BICC1: variants seen among roughly 807,000 people sequenced by gnomAD.
BICC1 encodes protein bicaudal C homolog 1.
Under a neutral mutation model 111.0 loss-of-function variants are expected in BICC1, and 43 were observed. That is an observed-to-expected ratio of 0.39 (90% CI 0.30 to 0.50). The LOEUF (loss-of-function observed/expected upper bound fraction) is 0.50, where lower values mean the gene tolerates loss of function less well. Ranked by LOEUF, BICC1 falls within the 20% of genes least tolerant of loss-of-function variation. The probability of loss-of-function intolerance (pLI) is 0.88; values close to 1 mark genes in which losing one functional copy is unlikely to be tolerated. For missense variants in BICC1, 1,091 were observed against 1,203.2 expected (o/e 0.91, Z 1.38); for synonymous variants, 467 against 434.4 (o/e 1.07, Z -0.93).
chr10:58,820,351 T>G lies in BICC1; in HGVS notation c.2695-18T>G, dbSNP rs1467315127. ...AGTAATTAATACATTGGTTATAGAT[T>G]GACCTTTCTACCCACAGATCGATCT... On this transcript the variant is annotated intron_variant, in intron 19 of 20. Coordinates refer to ENST00000373886, the MANE Select transcript of BICC1 (RefSeq NM_001080512.3). 1.3e-6 allele frequency: 2 copies of G among 1,550,646 alleles called. No homozygotes were observed. Among genetic ancestry groups the G allele is most frequent in the African/African-American group, 2.7e-5 (2 of 73,548 alleles).
At chr10:58,827,714 G>A (rs1256084892) in intron 20 of BICC1, among the ~76,000 whole-genome samples, 1 of 152,096 alleles carries the variant, frequency 6.6e-6, no homozygotes, top group Admixed American at 6.6e-5. Context: ...TGATAAAACA[G>A]TGGAAGAATG....
At chr10:58,574,919 G>A (rs947243180) in intron 1 of BICC1, among the ~76,000 whole-genome samples, 1 of 151,556 alleles carries the variant, frequency 6.6e-6, no homozygotes, top group Non-Finnish European at 1.5e-5. Context: ...CACTCTTCAG[G>A]TAGCCTCTGA....
intron 1 of BICC1, among the ~76,000 whole-genome samples, chr10:58,589,163 A>G (rs1358221679): frequency 6.6e-6 from 1 of 152,080 alleles, no homozygotes; most frequent in African/African-American, 2.4e-5. Flanking sequence ...GCCCACAGAG[A>G]GAACCCACTC....
rs778645337 is a variant in BICC1 at position 58,789,863 on chromosome 10, C to T, written c.977C>T (p.Pro326Leu). 8 of 1,614,066 alleles carry T rather than the reference C, an allele frequency of 5.0e-6. No individual in the cohort carries two copies. The highest frequency in any genetic ancestry group is 2.2e-5 in the East Asian group (1 of 44,862). The stretch of plus-strand genomic sequence containing the variant: ...ATCCACTTTCCTGATCCCAGTAATC[C>T]ACAAAAGAAATCTACCGTCTACCTC... ...AQIHFPDPSN[P>L]QKKSTVYLQG... Residue 326 changes from proline (P) to leucine (L), a missense_variant, in exon 8 of 21, where the codon CCA (proline) becomes CTA (leucine). Physicochemically the swap from Pro to Leu is moderately conservative, Grantham distance 98. Around this residue, in one of 3 missense-constraint regions of BICC1, gnomAD observed 843 missense variants for 900.8 expected, o/e 0.94. Coordinates refer to ENST00000373886, the MANE Select transcript of BICC1 (RefSeq NM_001080512.3).
At chr10:58,531,787 A>AG (rs1175834553) in intron 1 of BICC1, among the ~76,000 whole-genome samples, 2 of 151,026 alleles carry the variant, frequency 1.3e-5, no homozygotes, top group Non-Finnish European at 3.0e-5. Flanking sequence ...AACTGATTTG[A>AG]AAAAAAAAAT....
At chr10:58,541,718 A>G (rs1842987198) in intron 1 of BICC1, among the ~76,000 whole-genome samples, 2 of 152,124 alleles carry the variant, frequency 1.3e-5, no homozygotes, top group South Asian at 4.1e-4. Flanking sequence ...TAAAATTCAT[A>G]TGGAATCTCA....
chr10:58,649,569 C>T (rs796599153), intron 2 of BICC1, among the ~76,000 whole-genome samples: 69 of 152,222 alleles, frequency 4.5e-4, no homozygotes, highest in African/African-American at 1.3e-3. Flanking sequence ...TCAACTCCCA[C>T]GAGAGAGCTG....
intron 3 of BICC1, among the ~76,000 whole-genome samples, chr10:58,713,265 A>C (rs1219195445): frequency 5.9e-5 from 9 of 152,066 alleles, no homozygotes; most frequent in Non-Finnish European, 1.2e-4. Context: ...CTTCTCCCTC[A>C]ATCTTCCTGT....
chr10:58,802,442 G>T (rs1843577538), intron 14 of BICC1, among the ~76,000 whole-genome samples: 1 of 152,212 alleles, frequency 6.6e-6, no homozygotes, highest in Non-Finnish European at 1.5e-5. Context: ...GGTGCAGTTA[G>T]ATTTGAACTT....
At chr10:58,518,915 G>A (rs1450238164) in intron 1 of BICC1, among the ~76,000 whole-genome samples, 1 of 152,138 alleles carries the variant, frequency 6.6e-6, no homozygotes, top group East Asian at 1.9e-4. Context: ...GACTTGGAGG[G>A]TTTTGGTGAA....
intron 1 of BICC1, among the ~76,000 whole-genome samples, chr10:58,590,642 A>G (rs190905653): frequency 1.3e-5 from 2 of 152,254 alleles, no homozygotes; most frequent in East Asian, 3.9e-4. Flanking sequence ...TGGAAATTCT[A>G]CCAGACTTAA....
chr10:58,562,627 G>A (rs535303190), intron 1 of BICC1, among the ~76,000 whole-genome samples: 1 of 151,650 alleles, frequency 6.6e-6, no homozygotes, highest in African/African-American at 2.4e-5. Flanking sequence ...TCCTTTTTTG[G>A]TGTCAGTTAC....
At chr10:58,760,071 G>A (rs954286821) in intron 3 of BICC1, among the ~76,000 whole-genome samples, 4 of 152,148 alleles carry the variant, frequency 2.6e-5, no homozygotes, top group South Asian at 2.1e-4. Flanking sequence ...TTTCATAAGC[G>A]CGTTTTAAGC....
chr10:58,631,913 G>A (rs1274612520), intron 2 of BICC1, among the ~76,000 whole-genome samples: 1 of 152,078 alleles, frequency 6.6e-6, no homozygotes, highest in Non-Finnish European at 1.5e-5. Context: ...TTTTCCTATT[G>A]GCATTTGTAA....
At chr10:58,547,365 TG>T (rs1393041952) in intron 1 of BICC1, among the ~76,000 whole-genome samples, 3 of 152,192 alleles carry the variant, frequency 2.0e-5, no homozygotes, top group Non-Finnish European at 2.9e-5. Context: ...ATCTGTCTGA[TG>T]TTTTTTTCTC....
chr10:58,785,271 G>A (rs1842978246), intron 4 of BICC1, among the ~76,000 whole-genome samples, 191 bp downstream of exon 4: 1 of 152,090 alleles, frequency 6.6e-6, no homozygotes, highest in Non-Finnish European at 1.5e-5. Flanking sequence ...TTCATGCTGA[G>A]TAATTGAACT....
At chr10:58,820,305 C>T (rs1844217014) in intron 19 of BICC1, 64 bp from the exon 20 acceptor site, 2 of 1,098,790 alleles carry the variant, frequency 1.8e-6, no homozygotes, top group African/African-American at 3.1e-5. Flanking sequence ...ACAAGTTGAT[C>T]CTACAGTGGG....
chr10:58,551,965 G>A lies in BICC1; in HGVS notation c.190+38632G>A, dbSNP rs910106372. On this transcript the variant is annotated intron_variant, in intron 1 of 20. Transcript: ENST00000373886. Reference sequence around the variant, plus strand: ...AAATATATAAAGACAAGTTTTTTTTGGGGGGGGATAGACTCTCCCTTCTTT... The same window carrying A: ...AAATATATAAAGACAAGTTTTTTTTAGGGGGGGATAGACTCTCCCTTCTTT... Among the ~76,000 whole-genome samples, 276 of 35,700 alleles carry A rather than the reference G, an allele frequency of 7.7e-3. 1 individual carries two copies. The highest frequency in any genetic ancestry group is 0.055 in the African/African-American group (254 of 4,660). The allele number at this position is 35,700 out of a possible 152,430, so 23.4% of individuals were successfully genotyped here.
chr10:58,635,533 T>C (rs1398982184), intron 2 of BICC1, among the ~76,000 whole-genome samples: 6 of 152,198 alleles, frequency 3.9e-5, no homozygotes, highest in African/African-American at 1.2e-4. Context: ...ATCAGAAGGG[T>C]GAGAGTGTAA....
Sources: allele counts gnomAD v4.1 joint callset (sites outside exome capture counted in the v4.1 genomes callset), GRCh38; gene constraint gnomAD v4.1.1; regional missense constraint gnomAD v4.1.1; transcripts MANE v1.5; gene names NCBI Gene and HGNC (gene_info 2026-07-23, HGNC 2026-07-21).